HMGCLL1: variants seen among roughly 807,000 people sequenced by gnomAD.
HMGCLL1 encodes the protein 3-hydroxymethyl-3-methylglutaryl-CoA lyase, cytoplasmic.
In HMGCLL1, 36 loss-of-function variants were observed where a neutral mutation model predicts 39.1. The observed-to-expected ratio is 0.92, with a 90% CI of 0.71 to 1.22. HMGCLL1 has a LOEUF of 1.22. Ranked by LOEUF, HMGCLL1 falls within the 50% of genes most tolerant of loss-of-function variation. The pLI is 0.00. For missense variants in HMGCLL1, 451 were observed against 416.5 expected (o/e 1.08, Z -0.72); for synonymous variants, 149 against 144.0 (o/e 1.03, Z -0.25).
intron 5 of HMGCLL1, 130 bp from the exon 6 acceptor site, chr6:55,499,429 T>A: frequency 1.7e-6 from 1 of 595,052 alleles, no homozygotes; most frequent in Non-Finnish European, 2.8e-6. Flanking sequence ...TATTATTTTG[T>A]CATTGGACCA....
chr6:55,610,874 CA>C, the HMGCLL1 span, among the ~76,000 whole-genome samples: 2 of 151,968 alleles, frequency 1.3e-5, no homozygotes, highest in African/African-American at 4.8e-5. Flanking sequence ...GAGTGGGGAC[CA>C]ATATTCAACA....
the HMGCLL1 span, among the ~76,000 whole-genome samples, chr6:55,655,971 T>G: frequency 6.6e-6 from 1 of 151,984 alleles, no homozygotes; most frequent in African/African-American, 2.4e-5. Context: ...TCATTTCTTC[T>G]TAATCTCCCA....
intron 7 of HMGCLL1, among the ~76,000 whole-genome samples, chr6:55,441,094 T>A (rs908922709): frequency 8.6e-4 from 131 of 151,594 alleles, no homozygotes; most frequent in African/African-American, 3.0e-3. Flanking sequence ...AGAGAGAGAC[T>A]GTGCTGAAAT....
chr6:55,640,521 A>T, the HMGCLL1 span, among the ~76,000 whole-genome samples: 1 of 151,754 alleles, frequency 6.6e-6, no homozygotes, highest in African/African-American at 2.4e-5. Context: ...ATTTAAATTA[A>T]TAAAAACATA....
At chr6:55,445,540 C>T (rs1049317861) in intron 7 of HMGCLL1, among the ~76,000 whole-genome samples, 2 of 151,928 alleles carry the variant, frequency 1.3e-5, no homozygotes, top group Non-Finnish European at 2.9e-5. Context: ...GGCCACTTAG[C>T]TAATTTTCCT....
intron 7 of HMGCLL1, among the ~76,000 whole-genome samples, chr6:55,456,507 G>A (rs1044707376): frequency 2.0e-5 from 3 of 152,106 alleles, no homozygotes; most frequent in East Asian, 1.9e-4. Context: ...TTTCTTGTCC[G>A]TCACGTCTTT....
chr6:55,460,318 T>C (rs1039649594), intron 7 of HMGCLL1, among the ~76,000 whole-genome samples: 3 of 152,078 alleles, frequency 2.0e-5, no homozygotes, highest in African/African-American at 7.2e-5. Context: ...ACCAAAAATA[T>C]CATTTATCTT....
At chr6:55,474,819 G>A (rs1373071735) in intron 7 of HMGCLL1, among the ~76,000 whole-genome samples, 2 of 151,592 alleles carry the variant, frequency 1.3e-5, no homozygotes, top group African/African-American at 4.8e-5. Flanking sequence ...TGCTGCAGCT[G>A]TAACTGCCAG....
intron 1 of HMGCLL1, among the ~76,000 whole-genome samples, chr6:55,568,471 A>T (rs1341479828): frequency 6.6e-6 from 1 of 152,088 alleles, no homozygotes; most frequent in Non-Finnish European, 1.5e-5. Context: ...TTCCTGAGGA[A>T]GCTAAATATA....
intron 7 of HMGCLL1, among the ~76,000 whole-genome samples, chr6:55,477,284 TATATATAAA>T (rs1765425232): frequency 5.9e-5 from 1 of 16,860 alleles, no homozygotes; most frequent in African/African-American, 6.2e-4. Context: ...TATTATATAT[TATATATAAA>T]ATAATATATA....
At chr6:55,556,743 G>A (rs552234660) in intron 1 of HMGCLL1, among the ~76,000 whole-genome samples, 2 of 152,130 alleles carry the variant, frequency 1.3e-5, no homozygotes, top group Non-Finnish European at 1.5e-5. Context: ...TAATCTAGAC[G>A]AGAGATGACA....
In HMGCLL1 at chr6:55,504,991, A is replaced by G. The variant is rs572434900; in HGVS notation, c.543-5692T>C. Among the ~76,000 whole-genome samples the G allele has an allele frequency of 2.0e-5, 3 of 151,818 alleles. No homozygotes were observed. The South Asian group carries it at 6.2e-4, about 31-fold the overall frequency. On this transcript the variant is annotated intron_variant, in intron 5 of 8. Coordinates refer to ENST00000274901, the MANE Select transcript of HMGCLL1 (RefSeq NM_001042406.2). The stretch of plus-strand genomic sequence containing the variant: ...GTAATCATCAACCATATTGAAACGA[A>G]TCTTGCTAAAATTAACAAAAAACAC...
At chr6:55,656,454 C>T in the HMGCLL1 span, among the ~76,000 whole-genome samples, 60 of 152,090 alleles carry the variant, frequency 3.9e-4, no homozygotes, top group Non-Finnish European at 6.5e-4. Context: ...ATATAACTAA[C>T]TTACCAGGTG....
At chr6:55,587,944 C>A in the HMGCLL1 span, among the ~76,000 whole-genome samples, 2 of 152,130 alleles carry the variant, frequency 1.3e-5, no homozygotes, top group East Asian at 3.9e-4. Context: ...GACTCCCACA[C>A]AATAATAATG....
At chr6:55,645,000 T>C in the HMGCLL1 span, among the ~76,000 whole-genome samples, 2 of 152,062 alleles carry the variant, frequency 1.3e-5, no homozygotes, top group African/African-American at 4.8e-5. Flanking sequence ...TATGGACATT[T>C]TAACAATATT....
At chr6:55,655,536 G>GTAGA in the HMGCLL1 span, among the ~76,000 whole-genome samples, 24,971 of 147,304 alleles carry the variant, frequency 0.17, 2,237 homozygotes, top group African/African-American at 0.22. Context: ...AGTTATATTG[G>GTAGA]TAGATAGATA....
intron 1 of HMGCLL1, among the ~76,000 whole-genome samples, chr6:55,570,913 G>T (rs1487072624): frequency 6.6e-6 from 1 of 152,154 alleles, no homozygotes; most frequent in Non-Finnish European, 1.5e-5. Flanking sequence ...AAGGTGAAAG[G>T]CTCATCTTAC....
At chr6:55,615,453 G>A in the HMGCLL1 span, among the ~76,000 whole-genome samples, 2 of 152,156 alleles carry the variant, frequency 1.3e-5, no homozygotes, top group Non-Finnish European at 2.9e-5. Context: ...AAATGTACTT[G>A]CAGGTGGAGT....
At chr6:55,538,413 T>C (rs559879365) in intron 3 of HMGCLL1, among the ~76,000 whole-genome samples, 22 of 152,270 alleles carry the variant, frequency 1.4e-4, no homozygotes, top group Non-Finnish European at 5.9e-5. Flanking sequence ...AAGACTGTAT[T>C]AAAGACAGAA....
Sources: gnomAD v4.1 joint callset for allele counts (sites outside exome capture counted in the v4.1 genomes callset) on GRCh38, gnomAD v4.1.1 for gene constraint, MANE v1.5 for transcripts, NCBI Gene and HGNC (gene_info 2026-07-23, HGNC 2026-07-21) for gene names.